The following OR2L2 variants were observed in gnomAD, a reference collection of about 807,000 sequenced individuals.
OR2L2 encodes olfactory receptor family 2 subfamily L member 2.
For synonymous variants in OR2L2, 156 were observed against 135.4 expected (o/e 1.15, Z -1.06); for missense variants, 378 against 375.2 (o/e 1.01, Z -0.06).
rs1256878914 is a variant in OR2L2, at chr1:248,040,846, A to C, written c.*1640A>C. ...GTTGTCCTAGAGTCATCTGTACTAC[A>C]ATTGGAATAATCATTTTCAAACAAG... On this transcript the variant is annotated 3_prime_UTR_variant, in exon 3 of 3. Transcript: ENST00000641771. The C allele has an allele frequency of 6.6e-6, 1 of 152,178 alleles. No homozygotes were observed. The highest frequency in any genetic ancestry group is 2.4e-5 in the African/African-American group (1 of 41,434). The allele number at this position is 152,178 out of a possible 1,614,324, so 9.4% of individuals were successfully genotyped here.
intron 1 of OR2L2, among the ~76,000 whole-genome samples, chr1:248,033,391 T>C (rs1223837274): frequency 6.6e-6 from 1 of 152,146 alleles, no homozygotes; most frequent in Non-Finnish European, 1.5e-5. Flanking sequence ...TTGCTGTGTA[T>C]ATGACAGTCT....
At position 248,039,116 on chromosome 1, in the gene OR2L2, G is replaced by T. The variant is rs373354734; in HGVS notation, c.849G>T (p.Met283Ile). 3.0e-5 allele frequency: 49 copies of T among 1,614,074 alleles called. No individual in the cohort carries two copies. The African/African-American group carries it at 5.3e-4, about 18-fold the overall frequency. Residue 283 changes from methionine to isoleucine, a missense_variant, in exon 3 of 3, where the codon ATG (methionine) becomes ATT (isoleucine). Transcript: ENST00000641771. ...LAVFYTILTP[M>I]LNPIIYSLRN... ...TTTTCTACACCATCCTCACCCCAAT[G>T]CTCAACCCCATCATCTACAGCCTGA...
At chr1:248,035,233 G>A (rs1266354128) in intron 1 of OR2L2, among the ~76,000 whole-genome samples, 1 of 151,912 alleles carries the variant, frequency 6.6e-6, no homozygotes, top group Non-Finnish European at 1.5e-5. Flanking sequence ...GGCGGATCAC[G>A]AGGTCAGGAG....
chr1:248,038,489 C>T lies in OR2L2; in HGVS notation c.222C>T (p.Ser74=). 4 of 1,613,868 alleles carry T rather than the reference C, an allele frequency of 2.5e-6. No individual in the cohort carries two copies. Among genetic ancestry groups the T allele is most frequent in the Non-Finnish European group, 3.4e-6 (4 of 1,179,774 alleles). Residue 74 remains serine, a synonymous_variant, in exon 3 of 3, where the codon TCC becomes TCT. Coordinates refer to ENST00000641771, the MANE Select transcript of OR2L2 (RefSeq NM_001385855.1). ...QLSLIDLNYI[S]TIVPKMVYDF... ...CCCTCATTGACCTAAATTACATCTC[C>T]ACCATTGTTCCAAAGATGGTTTATG...
rs771379121 is a variant in OR2L2 at position 248,038,547 on chromosome 1, A to G, written c.280A>G (p.Thr94Ala). 5.6e-6 allele frequency: 9 copies of G among 1,614,026 alleles called. No individual in the cohort carries two copies. The Admixed American group carries it at 1.2e-4, about 21-fold the overall frequency. The change falls in exon 3 of 3, where the codon ACT becomes GCT. Residue 94 changes from threonine to alanine, a missense_variant. Transcript: ENST00000641771. ...FLYGNKSISF[T>A]GCGIQSFFFL... ...GTATGGAAACAAGTCTATCTCCTTC[A>G]CTGGATGTGGGATTCAGAGTTTCTT...
Position 248,040,599 on chromosome 1 carries a change from T to A in OR2L2, c.*1393T>A, listed in dbSNP as rs1662922849. On this transcript the variant is annotated 3_prime_UTR_variant, in exon 3 of 3. Coordinates refer to ENST00000641771, the MANE Select transcript of OR2L2 (RefSeq NM_001385855.1). ...ATCCCTAAATAAATAGTAAACATAT[T>A]TTCTCTTTCTGATGATTTTCTCAAT... The A allele has an allele frequency of 6.6e-6, 1 of 152,190 alleles. No homozygotes were observed. Among genetic ancestry groups the A allele is most frequent in the African/African-American group, 2.4e-5 (1 of 41,454 alleles). 9.4% of individuals were successfully genotyped at this position (152,190 alleles called of 1,614,324 possible). A position where few individuals can be genotyped will look rare whatever the true frequency, so the allele number is the denominator to read the frequency against.
rs1051013590 is a variant in OR2L2 at position 248,042,012 on chromosome 1, A to C, written c.*2806A>C. On this transcript the variant is annotated 3_prime_UTR_variant, in exon 3 of 3. Coordinates refer to ENST00000641771, the MANE Select transcript of OR2L2 (RefSeq NM_001385855.1). ...CAACCATCCCATTACTGGGTATATA[A>C]CCAAAGGACTATAAATCATGCTGCT... 2.4e-4 allele frequency: 36 copies of C among 152,158 alleles called. No homozygotes were observed. Among genetic ancestry groups the C allele is most frequent in the Non-Finnish European group, 3.5e-4 (24 of 68,030 alleles). 9.4% of individuals were successfully genotyped at this position (152,158 alleles called of 1,614,324 possible). A position where few individuals can be genotyped will look rare whatever the true frequency, so the allele number is the denominator to read the frequency against.
chr1:248,038,051 G>C (rs919114694), intron 2 of OR2L2, 196 bp from the exon 3 acceptor site: 2 of 435,624 alleles, frequency 4.6e-6, no homozygotes, highest in African/African-American at 4.0e-5. Context: ...TATTTTATTT[G>C]TAGTTATTTT....
Position 248,038,891 on chromosome 1 carries a change from TC to T in OR2L2, c.626del (p.Pro209LeufsTer38). 6.2e-7 allele frequency: 1 copy of T among 1,614,128 alleles called. No individual in the cohort carries two copies. Among genetic ancestry groups the T allele is most frequent in the Non-Finnish European group, 8.5e-7 (1 of 1,180,014 alleles). On this transcript the variant is annotated frameshift_variant, in exon 3 of 3. Transcript: ENST00000641771. LOFTEE classifies it low-confidence loss of function (END_TRUNC). Reference sequence around the variant, plus strand: ...TGAGCAGCACCATCTTTCTTGTGCTTCCTTTCACTGGTATTGCATGTTCCTA... The same window carrying T: ...TGAGCAGCACCATCTTTCTTGTGCTTCTTTCACTGGTATTGCATGTTCCTA... ...FLSSTIFLVL[P>X]FTGIACSYGR... is the part of the protein sequence containing the mutation.
At position 248,039,237 on chromosome 1, in the gene OR2L2, A is replaced by G; in HGVS notation, c.*31A>G. Reference sequence around the variant, plus strand: ...CGTTCTGTGTTAGAGTCAAAGCGCTAGGTTCATATCAACTTAGTAGTGTAC... The same window carrying G: ...CGTTCTGTGTTAGAGTCAAAGCGCTGGGTTCATATCAACTTAGTAGTGTAC... On this transcript the variant is annotated 3_prime_UTR_variant, in exon 3 of 3. Coordinates refer to ENST00000641771, the MANE Select transcript of OR2L2 (RefSeq NM_001385855.1). 1 of 1,572,466 alleles carries G rather than the reference A, an allele frequency of 6.4e-7. No individual in the cohort carries two copies. Among genetic ancestry groups the G allele is most frequent in the Non-Finnish European group, 8.6e-7 (1 of 1,158,030 alleles).
In OR2L2 at chr1:248,038,801, T is replaced by C. The variant is rs1662848960; in HGVS notation, c.534T>C (p.Cys178=). The C allele has an allele frequency of 6.2e-7, 1 of 1,614,094 alleles. No homozygotes were observed. Among genetic ancestry groups the C allele is most frequent in the Non-Finnish European group, 8.5e-7 (1 of 1,180,050 alleles). ...CCAGAGCCATCAATCATTTTTTCTG[T>C]GATGTTCCAGCTATGTTGACGCTAG... ...CKSRAINHFF[C]DVPAMLTLAC... The change falls in exon 3 of 3, where the codon TGT becomes TGC. Residue 178 remains cysteine, a synonymous_variant. Coordinates refer to ENST00000641771, the MANE Select transcript of OR2L2 (RefSeq NM_001385855.1).
In OR2L2 at chr1:248,039,346, G is replaced by T. The variant is rs979758888; in HGVS notation, c.*140G>T. 5 of 613,514 alleles carry T rather than the reference G, an allele frequency of 8.1e-6. No individual in the cohort carries two copies. Among genetic ancestry groups the T allele is most frequent in the Admixed American group, 3.2e-5 (1 of 31,468 alleles). 38.0% of individuals were successfully genotyped at this position (613,514 alleles called of 1,614,324 possible). A position where few individuals can be genotyped will look rare whatever the true frequency, so the allele number is the denominator to read the frequency against. On this transcript the variant is annotated 3_prime_UTR_variant, in exon 3 of 3. Coordinates refer to ENST00000641771, the MANE Select transcript of OR2L2 (RefSeq NM_001385855.1). The stretch of plus-strand genomic sequence containing the variant: ...GAAATTTGTCTTTTAATTTAGTCTT[G>T]ACAATATTATAATACATATTAATAC...
Position 248,039,289 on chromosome 1 carries a change from G to A in OR2L2, c.*83G>A. The A allele has an allele frequency of 7.0e-6, 9 of 1,288,678 alleles. No individual in the cohort carries two copies. The highest frequency in any genetic ancestry group is 9.6e-6 in the Non-Finnish European group (9 of 934,312). The allele number at this position is 1,288,678 out of a possible 1,614,324, so 79.8% of individuals were successfully genotyped here. On this transcript the variant is annotated 3_prime_UTR_variant, in exon 3 of 3. Transcript: ENST00000641771. The stretch of plus-strand genomic sequence containing the variant: ...GCAGTGAAGAAAAACATTATTACAT[G>A]CCCAGTGTGTCAAACAGAAGTTAAT...
At chr1:248,036,868 T>C (rs1437249111) in intron 2 of OR2L2, among the ~76,000 whole-genome samples, 1 of 152,142 alleles carries the variant, frequency 6.6e-6, no homozygotes, top group East Asian at 1.9e-4. Flanking sequence ...ACTTTATGGA[T>C]CTTAACAAAA....
rs1030690456 is a variant in OR2L2, at chr1:248,041,937, G to C, written c.*2731G>C. 3 of 152,188 alleles carry C rather than the reference G, an allele frequency of 2.0e-5. No homozygotes were observed. Among genetic ancestry groups the C allele is most frequent in the Admixed American group, 6.5e-5 (1 of 15,282 alleles). The allele number at this position is 152,188 out of a possible 1,614,324, so 9.4% of individuals were successfully genotyped here. On this transcript the variant is annotated 3_prime_UTR_variant, in exon 3 of 3. Coordinates refer to ENST00000641771, the MANE Select transcript of OR2L2 (RefSeq NM_001385855.1). ...GTAAACTAGTTCAACCATTGTGGAAGTCAGTGTGGCGATTCCTCAGGGATC... is the reference window on the plus strand; with the variant it reads ...GTAAACTAGTTCAACCATTGTGGAACTCAGTGTGGCGATTCCTCAGGGATC...
rs1416803864 is a variant in OR2L2 at position 248,041,663 on chromosome 1, GA to G, written c.*2464del. 1 of 151,812 alleles carries G rather than the reference GA, an allele frequency of 6.6e-6. No individual in the cohort carries two copies. The highest frequency in any genetic ancestry group is 2.4e-5 in the African/African-American group (1 of 41,300). The allele number at this position is 151,812 out of a possible 1,614,324, so 9.4% of individuals were successfully genotyped here. A position where few individuals can be genotyped will look rare whatever the true frequency, so the allele number is the denominator to read the frequency against. ...ACAATGAACTCAAACAAACTTACAA[GA>G]AAAAAACAAACAACCCCATCAAAAA... On this transcript the variant is annotated 3_prime_UTR_variant, in exon 3 of 3. Transcript: ENST00000641771.
In OR2L2 at chr1:248,039,854, A is replaced by C. The variant is rs1045899964; in HGVS notation, c.*648A>C. The C allele has an allele frequency of 6.6e-6, 1 of 152,162 alleles. No individual in the cohort carries two copies. The highest frequency in any genetic ancestry group is 2.4e-5 in the African/African-American group (1 of 41,444). The allele number at this position is 152,162 out of a possible 1,614,324, so 9.4% of individuals were successfully genotyped here. On this transcript the variant is annotated 3_prime_UTR_variant, in exon 3 of 3. Coordinates refer to ENST00000641771, the MANE Select transcript of OR2L2 (RefSeq NM_001385855.1). ...ATGTCTTCTTCTTTTTCTTAAAGTAATGTTTTACTAATAAGTTTACCTGAG... is the reference window on the plus strand; with the variant it reads ...ATGTCTTCTTCTTTTTCTTAAAGTACTGTTTTACTAATAAGTTTACCTGAG...
At chr1:248,031,708 A>ACAAAGT (rs1264915881) in intron 1 of OR2L2, among the ~76,000 whole-genome samples, 4 of 152,228 alleles carry the variant, frequency 2.6e-5, no homozygotes, top group Admixed American at 6.5e-5. Flanking sequence ...TTAAGTAAAC[A>ACAAAGT]CAAAGTCAAA....
rs544756272 is a variant in OR2L2 at position 248,041,523 on chromosome 1, C to A, written c.*2317C>A. 3 of 150,306 alleles carry A rather than the reference C, an allele frequency of 2.0e-5. No individual in the cohort carries two copies. In the East Asian group the frequency reaches 5.8e-4, roughly 29 times the overall value. The allele number at this position is 150,306 out of a possible 1,614,324, so 9.3% of individuals were successfully genotyped here. A position where few individuals can be genotyped will look rare whatever the true frequency, so the allele number is the denominator to read the frequency against. Reference sequence around the variant, plus strand: ...AATTGACAATTGAGATCTAATTAAACTAAAGAGCTTCTGCACAGCAAAAGA... The same window carrying A: ...AATTGACAATTGAGATCTAATTAAAATAAAGAGCTTCTGCACAGCAAAAGA... On this transcript the variant is annotated 3_prime_UTR_variant, in exon 3 of 3. Coordinates refer to ENST00000641771, the MANE Select transcript of OR2L2 (RefSeq NM_001385855.1).
Sources: gnomAD v4.1 joint callset for allele counts (sites outside exome capture counted in the v4.1 genomes callset) on GRCh38, gnomAD v4.1.1 for gene constraint, MANE v1.5 for transcripts, NCBI Gene and HGNC (gene_info 2026-07-23, HGNC 2026-07-21) for gene names.